The following RNFT2 variants were observed in gnomAD, a reference collection of about 807,000 sequenced individuals.
The protein encoded by RNFT2 is ring finger protein, transmembrane 2.
Under a neutral mutation model 53.0 loss-of-function variants are expected in RNFT2, and 36 were observed. That is an observed-to-expected ratio of 0.68 (90% confidence interval 0.52 to 0.90). RNFT2 has a LOEUF of 0.90. Among genes scored for constraint, RNFT2 ranks in the 40% least tolerant of loss-of-function variants. The pLI, the probability that RNFT2 is intolerant of heterozygous loss-of-function variation, is 0.00. For synonymous variants in RNFT2, 260 were observed against 253.2 expected, an observed-to-expected ratio of 1.03 and a Z score of -0.26; for missense variants, 514 against 585.6, an observed-to-expected ratio of 0.88 and a Z score of 1.26.
At chr12:116,749,102 G>A (rs910255697) in intron 3 of RNFT2, among the ~76,000 whole-genome samples, 1 of 152,062 alleles carries the variant, frequency 6.6e-6, no homozygotes, top group Non-Finnish European at 1.5e-5. Context: ...CACACCCCAG[G>A]GGGCTTAAAC....
chr12:116,767,813 C>T (rs111811594), intron 6 of RNFT2, among the ~76,000 whole-genome samples: 4,820 of 149,688 alleles, frequency 0.032, 283 homozygotes, highest in African/African-American at 0.11. Flanking sequence ...CTCCTGACCT[C>T]GTGATCCACC....
intron 7 of RNFT2, among the ~76,000 whole-genome samples, chr12:116,790,938 G>C (rs1215498221): frequency 6.6e-6 from 1 of 152,180 alleles, no homozygotes; most frequent in Non-Finnish European, 1.5e-5. Context: ...TCCAGCCTAG[G>C]CAACAGAGGG....
At chr12:116,846,150 G>C (rs1877601107) in intron 10 of RNFT2, among the ~76,000 whole-genome samples, 1 of 152,158 alleles carries the variant, frequency 6.6e-6, no homozygotes, top group Admixed American at 6.5e-5. Context: ...TTACAGCCTG[G>C]TATGGAGAGA....
At chr12:116,744,662 C>T (rs1001359126) in intron 3 of RNFT2, among the ~76,000 whole-genome samples, 9 of 152,130 alleles carry the variant, frequency 5.9e-5, no homozygotes, top group Admixed American at 1.3e-4. Flanking sequence ...CAAGCTCTGG[C>T]GCTTAAGTGG....
intron 6 of RNFT2, among the ~76,000 whole-genome samples, chr12:116,771,692 G>A (rs1873202005): frequency 6.6e-6 from 1 of 151,932 alleles, no homozygotes; most frequent in South Asian, 2.1e-4. Flanking sequence ...CCAAATACAT[G>A]TCCCATGATG....
chr12:116,775,183 C>T (rs1253988315), intron 6 of RNFT2, among the ~76,000 whole-genome samples: 6 of 145,964 alleles, frequency 4.1e-5, no homozygotes, highest in Non-Finnish European at 8.9e-5. Flanking sequence ...TCGCCTGAAC[C>T]GGGGAGGTAG....
intron 5 of RNFT2, among the ~76,000 whole-genome samples, chr12:116,761,909 T>C (rs1872703337): frequency 6.6e-6 from 1 of 151,856 alleles, no homozygotes. Flanking sequence ...TTGAATGAAA[T>C]AGTGCATCCA....
chr12:116,802,567 G>A (rs944811725), intron 7 of RNFT2, among the ~76,000 whole-genome samples: 2 of 152,164 alleles, frequency 1.3e-5, no homozygotes, highest in Non-Finnish European at 2.9e-5. Flanking sequence ...GGCAGACATT[G>A]GGAATGATGT....
chr12:116,740,439 C>T lies in RNFT2; in HGVS notation c.-59C>T. The T allele has an allele frequency of 6.5e-7, 1 of 1,530,502 alleles. No individual in the cohort carries two copies. Among genetic ancestry groups the T allele is most frequent in the Non-Finnish European group, 8.9e-7 (1 of 1,126,190 alleles). The allele number at this position is 1,530,502 out of a possible 1,614,324, so 94.8% of individuals were successfully genotyped here. A position where few individuals can be genotyped will look rare whatever the true frequency, so the allele number is the denominator to read the frequency against. ...CCTCTCTGGGATCCATTGGTCACATCCCCCTGAGGATTCCCGAATGCCTAC... is the reference window on the plus strand; with the variant it reads ...CCTCTCTGGGATCCATTGGTCACATTCCCCTGAGGATTCCCGAATGCCTAC... On this transcript the variant is annotated 5_prime_UTR_variant, in exon 2 of 11. Coordinates refer to ENST00000257575, the MANE Select transcript of RNFT2 (RefSeq NM_001382266.1).
In RNFT2 at chr12:116,741,088, C is replaced by T; in HGVS notation, c.77C>T (p.Pro26Leu). The T allele has an allele frequency of 3.1e-6, 5 of 1,609,452 alleles. No individual in the cohort carries two copies. The highest frequency in any genetic ancestry group is 4.2e-6 in the Non-Finnish European group (5 of 1,177,880). ...RHSSNTDNIP[P>L]ERNRSQALSS... ...AGCAGCAACACGGATAACATTCCAC[C>T]TGAAAGGTAGGCATCCCTGCTTCTG... is the stretch of plus-strand genomic sequence containing the variant. The change falls in exon 3 of 11, where the codon CCT becomes CTT. Residue 26 changes from proline (P) to leucine (L), a missense_variant. Physicochemically the swap from Pro to Leu is moderately conservative, Grantham distance 98. Coordinates refer to ENST00000257575, the MANE Select transcript of RNFT2 (RefSeq NM_001382266.1).
chr12:116,739,546 TGAG>T (rs1164550632), intron 1 of RNFT2, among the ~76,000 whole-genome samples: 2 of 152,114 alleles, frequency 1.3e-5, no homozygotes, highest in Non-Finnish European at 2.9e-5. Context: ...GTCAGGAGAA[TGAG>T]AAGAGAAGGC....
rs375125940 is a variant in RNFT2 at position 116,821,639 on chromosome 12, G to A, written c.883-12153G>A. Among the ~76,000 whole-genome samples, 237 of 152,246 alleles carry A rather than the reference G, an allele frequency of 1.6e-3. 13 individuals carry two copies. The South Asian group carries it at 0.047, about 30-fold the overall frequency. On this transcript the variant is annotated intron_variant, in intron 7 of 10. Transcript: ENST00000257575. ...AGAAAAGCAAGCAAGGAAAAGTCTC[G>A]CAGGAGGCTGAGGGCCCCCTCTGGC... is the stretch of plus-strand genomic sequence containing the variant.
At chr12:116,749,217 G>A (rs896640434) in intron 3 of RNFT2, among the ~76,000 whole-genome samples, 42 of 151,754 alleles carry the variant, frequency 2.8e-4, no homozygotes, top group Middle Eastern at 6.8e-3. Context: ...GTGGACAGCC[G>A]TCTTCTCCCT....
At chr12:116,829,961 G>A (rs1182968186) in intron 7 of RNFT2, among the ~76,000 whole-genome samples, 2 of 150,978 alleles carry the variant, frequency 1.3e-5, no homozygotes, top group South Asian at 2.1e-4. Flanking sequence ...AGAGAATGAG[G>A]ATTTTTTTTT....
chr12:116,750,025 C>T lies in RNFT2; in HGVS notation c.268C>T (p.Gln90Ter). Reference sequence around the variant, plus strand: ...GGCTGGCGGCGGGGACGTGTTCATCCAGATGCCCGCGTCCAGGGAGGAAGG... The same window carrying T: ...GGCTGGCGGCGGGGACGTGTTCATCTAGATGCCCGCGTCCAGGGAGGAAGG... ...SSAGGGDVFI[Q>*]MPASREEGGG... Residue 90 changes from glutamine to a stop codon, truncating the protein, a stop_gained, in exon 4 of 11, where the codon CAG becomes TAG. Transcript: ENST00000257575. LOFTEE classifies it high-confidence loss of function. 6.4e-7 allele frequency: 1 copy of T among 1,553,252 alleles called. No individual in the cohort carries two copies. Among genetic ancestry groups the T allele is most frequent in the Non-Finnish European group, 8.7e-7 (1 of 1,149,126 alleles).
At chr12:116,842,157 T>C (rs1333744633) in intron 10 of RNFT2, among the ~76,000 whole-genome samples, 1 of 150,894 alleles carries the variant, frequency 6.6e-6, no homozygotes, top group African/African-American at 2.4e-5. Context: ...GGCTGTGAAA[T>C]TGGAGGCCTC....
intron 7 of RNFT2, among the ~76,000 whole-genome samples, chr12:116,822,794 C>T (rs1314043948): frequency 6.6e-6 from 1 of 151,896 alleles, no homozygotes; most frequent in Non-Finnish European, 1.5e-5. Context: ...CTGAGGAGTT[C>T]GAGACCAGCC....
intron 10 of RNFT2, among the ~76,000 whole-genome samples, chr12:116,840,068 G>A (rs895628388): frequency 2.0e-5 from 3 of 152,152 alleles, no homozygotes; most frequent in African/African-American, 7.2e-5. Flanking sequence ...TGAGAAGCTT[G>A]GTTCATTTAA....
chr12:116,833,881 C>T lies in RNFT2; in HGVS notation c.972C>T (p.Asp324=), dbSNP rs61737205. The change falls in exon 8 of 11, where the codon GAC becomes GAT. Residue 324 remains aspartate (D), a synonymous_variant. Transcript: ENST00000257575. ...TGTGGTACAAATACATCATGGGTGA[C>T]GACTCCTCCAACAGCTACTTCCTGG... The part of the protein sequence containing the change: ...IQLWYKYIMG[D]DSSNSYFLGG... The T allele has an allele frequency of 5.6e-3, 8,973 of 1,613,060 alleles. 405 individuals carry two copies. In the African/African-American group the frequency reaches 0.1, roughly 18 times the overall value.
Sources: gnomAD v4.1 joint callset for allele counts (sites outside exome capture counted in the v4.1 genomes callset) on GRCh38, gnomAD v4.1.1 for gene constraint, MANE v1.5 for transcripts, NCBI Gene and HGNC (gene_info 2026-07-23, HGNC 2026-07-21) for gene names.